The following CYRIB variants were observed in gnomAD, a reference collection of about 807,000 sequenced individuals.
CYRIB encodes the protein CYFIP-related Rac1 interactor B.
A neutral mutation model predicts 44.2 loss-of-function variants in CYRIB; 8 were observed. The observed-to-expected ratio is 0.18, with a 90% CI of 0.11 to 0.33. The LOEUF is 0.33. Among genes scored for constraint, CYRIB ranks in the 10% least tolerant of loss-of-function variants. CYRIB has a pLI of 1.00. For synonymous variants in CYRIB, 131 were observed against 127.2 expected, an observed-to-expected ratio of 1.03 and a Z score of -0.20; for missense variants, 185 against 382.8, an observed-to-expected ratio of 0.48 and a Z score of 4.31.
chr8:129,878,432 ATTTAT>A (rs2059867194), intron 3 of CYRIB, among the ~76,000 whole-genome samples: 1 of 152,146 alleles, frequency 6.6e-6, no homozygotes, highest in Non-Finnish European at 1.5e-5. Flanking sequence ...GGTTTAAGTG[ATTTAT>A]TTGTTTTGTT....
intron 1 of CYRIB, among the ~76,000 whole-genome samples, chr8:129,998,565 T>G (rs1424234941): frequency 6.6e-6 from 1 of 152,006 alleles, no homozygotes; most frequent in Non-Finnish European, 1.5e-5. Flanking sequence ...CTGACGAAAT[T>G]TCCCATTGGT....
intron 1 of CYRIB, among the ~76,000 whole-genome samples, chr8:129,988,122 G>C (rs1437182678): frequency 6.6e-6 from 1 of 152,154 alleles, no homozygotes; most frequent in African/African-American, 2.4e-5. Flanking sequence ...CCCAAGTGAG[G>C]ACGGAACAAA....
chr8:129,941,463 G>A (rs941377193), upstream of CYRIB, among the ~76,000 whole-genome samples: 2 of 151,756 alleles, frequency 1.3e-5, no homozygotes, highest in South Asian at 4.2e-4. Flanking sequence ...TAGTAGAGAC[G>A]GGGTTTCACC....
At chr8:129,979,667 G>A (rs2096124458) in intron 1 of CYRIB, among the ~76,000 whole-genome samples, 1 of 152,144 alleles carries the variant, frequency 6.6e-6, no homozygotes, top group African/African-American at 2.4e-5. Flanking sequence ...TGTAATCCCA[G>A]CACTTCGGGA....
At chr8:129,877,374 G>A (rs574782139) in intron 3 of CYRIB, among the ~76,000 whole-genome samples, 2 of 152,158 alleles carry the variant, frequency 1.3e-5, no homozygotes, top group South Asian at 2.1e-4. Context: ...TGTACCAGGT[G>A]CAGTAGCTCA....
At chr8:129,863,278 G>A (rs748666231) in intron 4 of CYRIB, among the ~76,000 whole-genome samples, 1 of 152,196 alleles carries the variant, frequency 6.6e-6, no homozygotes, top group African/African-American at 2.4e-5. Flanking sequence ...TGTAATCCCA[G>A]CACTTTGGGA....
At chr8:129,960,379 G>C (rs1201598690) in intron 2 of CYRIB, among the ~76,000 whole-genome samples, 6 of 152,018 alleles carry the variant, frequency 3.9e-5, no homozygotes, top group Non-Finnish European at 8.8e-5. Context: ...TGGATCACCT[G>C]AGGTCAGGAG....
intron 1 of CYRIB, among the ~76,000 whole-genome samples, chr8:129,978,258 C>A (rs186961888): frequency 1.3e-5 from 2 of 152,328 alleles, no homozygotes; most frequent in East Asian, 3.9e-4. Context: ...TGTTATATAG[C>A]TAATCAGATT....
chr8:129,908,078 T>A (rs1475097924), intron 1 of CYRIB, among the ~76,000 whole-genome samples: 2 of 152,142 alleles, frequency 1.3e-5, no homozygotes, highest in African/African-American at 4.8e-5. Context: ...AACTATACAT[T>A]ACACATGGAT....
intron 1 of CYRIB, among the ~76,000 whole-genome samples, chr8:129,919,503 T>C (rs527309072): frequency 3.0e-4 from 45 of 152,050 alleles, no homozygotes; most frequent in Non-Finnish European, 6.2e-4. Context: ...TACAATACAG[T>C]ACAATTAAAT....
intron 1 of CYRIB, among the ~76,000 whole-genome samples, chr8:130,006,109 C>G (rs555129264): frequency 6.6e-6 from 1 of 152,174 alleles, no homozygotes; most frequent in East Asian, 1.9e-4. Context: ...TTGAGACTCA[C>G]CTGGCCAACA....
chr8:129,858,379 T>C (rs1040790990), intron 5 of CYRIB, among the ~76,000 whole-genome samples: 3 of 152,094 alleles, frequency 2.0e-5, no homozygotes, highest in Admixed American at 6.5e-5. Context: ...GGCAGATGAG[T>C]GCAGGAGCCA....
intron 1 of CYRIB, among the ~76,000 whole-genome samples, chr8:129,986,381 C>T (rs1169129360): frequency 3.3e-5 from 5 of 152,274 alleles, no homozygotes; most frequent in African/African-American, 9.6e-5. Context: ...CAGAAGTCTC[C>T]CTAGCCAGGT....
intron 1 of CYRIB, among the ~76,000 whole-genome samples, chr8:129,938,020 C>G (rs931931248): frequency 5.3e-5 from 8 of 152,014 alleles, no homozygotes; most frequent in African/African-American, 1.9e-4. Flanking sequence ...GAAAATGCTG[C>G]CATAAATACT....
intron 3 of CYRIB, among the ~76,000 whole-genome samples, chr8:129,873,201 A>G (rs894330855): frequency 7.9e-5 from 12 of 151,964 alleles, no homozygotes; most frequent in African/African-American, 2.9e-4. Context: ...ATCATTTTTT[A>G]GGAGGAAAAT....
At chr8:129,977,588 G>C (rs2095994070) in intron 1 of CYRIB, among the ~76,000 whole-genome samples, 1 of 151,696 alleles carries the variant, frequency 6.6e-6, no homozygotes, top group South Asian at 2.1e-4. Context: ...CTGGAGTGCA[G>C]TGGAGCGATC....
chr8:129,849,425 A>AAC lies in CYRIB; in HGVS notation c.714-58_714-57dup, dbSNP rs562617557. On this transcript the variant is annotated intron_variant, in intron 9 of 11. Coordinates refer to ENST00000519824, the Ensembl canonical transcript of CYRIB. ...AGTGCATTACAAAATTCTTTTTAAA[A>AAC]ACACACACACACAAGAAAAACCTCT... is the stretch of plus-strand genomic sequence containing the variant. The AAC allele has an allele frequency of 1.6e-3, 2,485 of 1,526,334 alleles. 16 individuals carry two copies. The highest frequency in any genetic ancestry group is 0.01 in the South Asian group (827 of 81,338). The allele number at this position is 1,526,334 out of a possible 1,614,324, so 94.5% of individuals were successfully genotyped here.
At chr8:129,948,627 C>T (rs1030696576) in intron 2 of CYRIB, 6 of 152,152 alleles carry the variant, frequency 3.9e-5, no homozygotes, top group Admixed American at 6.6e-5. Context: ...TCCAGAGGAA[C>T]GGAAGGGAGA....
intron 1 of CYRIB, among the ~76,000 whole-genome samples, chr8:129,987,666 T>C (rs1192859705): frequency 6.6e-6 from 1 of 150,646 alleles, no homozygotes; most frequent in Non-Finnish European, 1.5e-5. Flanking sequence ...ACCTCCTAGG[T>C]TCAAGCGATT....
Sources: gnomAD v4.1 joint callset for allele counts (sites outside exome capture counted in the v4.1 genomes callset) on GRCh38, gnomAD v4.1.1 for gene constraint, MANE v1.5 for transcripts, NCBI Gene and HGNC (gene_info 2026-07-23, HGNC 2026-07-21) for gene names.